Variants in TRNAU1AP observed in about 807,000 individuals in gnomAD.
The protein encoded by TRNAU1AP is tRNA selenocysteine 1 associated protein 1, also known as tRNA selenocysteine 1-associated protein 1.
In TRNAU1AP, 33 loss-of-function variants were observed where a neutral mutation model predicts 43.3. That is an observed-to-expected ratio of 0.76 (90% CI 0.58 to 1.02). TRNAU1AP has a LOEUF of 1.02. Among genes scored for constraint, TRNAU1AP ranks in the 50% least tolerant of loss-of-function variants. The pLI, the probability that TRNAU1AP is intolerant of heterozygous loss-of-function variation, is 0.00. For synonymous variants in TRNAU1AP, 143 were observed against 129.1 expected (o/e 1.11, Z -0.73); for missense variants, 290 against 362.7 (o/e 0.80, Z 1.63).
rs137910475 is a variant in TRNAU1AP at position 28,557,714 on chromosome 1, G to A, written c.126-2919G>A. Among the ~76,000 whole-genome samples the A allele has an allele frequency of 2.3e-4, 35 of 151,572 alleles. 1 individual carries two copies. Among genetic ancestry groups the A allele is most frequent in the Non-Finnish European group, 3.2e-4 (22 of 67,874 alleles). On this transcript the variant is annotated intron_variant, in intron 2 of 8. Transcript: ENST00000373830. ...AGCCATTCTCCTGCCTCAGCCTCCC[G>A]AGTAGCTAGGACTACTGGCACATAC...
intron 5 of TRNAU1AP, among the ~76,000 whole-genome samples, chr1:28,566,628 G>A (rs1665545706): frequency 6.6e-6 from 1 of 151,884 alleles, no homozygotes. Flanking sequence ...GCATGGTGGT[G>A]GGTGCCTGTA....
At chr1:28,572,760 C>T (rs572953997) in intron 8 of TRNAU1AP, among the ~76,000 whole-genome samples, 1 of 150,918 alleles carries the variant, frequency 6.6e-6, no homozygotes, top group Admixed American at 6.6e-5. Flanking sequence ...CGGTGAAACC[C>T]CGTCTCTACT....
chr1:28,575,163 T>G (rs1223909896), intron 8 of TRNAU1AP, among the ~76,000 whole-genome samples: 1 of 152,172 alleles, frequency 6.6e-6, no homozygotes, highest in Non-Finnish European at 1.5e-5. Flanking sequence ...ATCCTTTTTT[T>G]GTTTTCTTTT....
At chr1:28,553,551 C>T in intron 1 of TRNAU1AP, 89 bp from the exon 2 acceptor site, 10 of 1,268,464 alleles carry the variant, frequency 7.9e-6, no homozygotes, top group Non-Finnish European at 7.9e-6. Context: ...GGCGCGTAGC[C>T]AGCCCTGGGC....
intron 8 of TRNAU1AP, 121 bp downstream of exon 8, chr1:28,572,021 G>T: frequency 1.0e-5 from 9 of 881,574 alleles, no homozygotes; most frequent in Non-Finnish European, 1.1e-5. Flanking sequence ...TTACATTCTG[G>T]TTAGAGAGCC....
Position 28,553,095 on chromosome 1 carries a change from A to G in TRNAU1AP, c.-16A>G, listed in dbSNP as rs964806366. 14 of 1,523,814 alleles carry G rather than the reference A, an allele frequency of 9.2e-6. No homozygotes were observed. In the African/African-American group the frequency reaches 1.7e-4, roughly 19 times the overall value. The allele number at this position is 1,523,814 out of a possible 1,614,324, so 94.4% of individuals were successfully genotyped here. ...CGCAGAGCCCCGCCCGCAAAGCCCCACCCCGGTGCGCGGGTATGGCGGCCA... is the reference window on the plus strand; with the variant it reads ...CGCAGAGCCCCGCCCGCAAAGCCCCGCCCCGGTGCGCGGGTATGGCGGCCA... On this transcript the variant is annotated 5_prime_UTR_variant, in exon 1 of 9. Transcript: ENST00000373830.
Position 28,577,876 on chromosome 1 carries a change from A to G in TRNAU1AP, c.*240A>G. ...CTTCACAGGAATCCTTTGTCCAGGTAGTTATCCACATAGGACAGTTTGGGA... is the reference window on the plus strand; with the variant it reads ...CTTCACAGGAATCCTTTGTCCAGGTGGTTATCCACATAGGACAGTTTGGGA... On this transcript the variant is annotated 3_prime_UTR_variant, in exon 9 of 9. Transcript: ENST00000373830. 2.1e-6 allele frequency: 1 copy of G among 467,806 alleles called. No homozygotes were observed. The highest frequency in any genetic ancestry group is 4.3e-5 in the East Asian group (1 of 23,346). 29.0% of individuals were successfully genotyped at this position (467,806 alleles called of 1,614,324 possible). A position where few individuals can be genotyped will look rare whatever the true frequency, so the allele number is the denominator to read the frequency against.
At chr1:28,570,738 G>A (rs375441925) in intron 6 of TRNAU1AP, among the ~76,000 whole-genome samples, 1 of 152,046 alleles carries the variant, frequency 6.6e-6, no homozygotes, top group Non-Finnish European at 1.5e-5. Context: ...TTCCTTATCT[G>A]TAAAATAGGA....
intron 6 of TRNAU1AP, among the ~76,000 whole-genome samples, chr1:28,567,787 T>A (rs1665573562): frequency 6.6e-6 from 1 of 152,108 alleles, no homozygotes; most frequent in South Asian, 2.1e-4. Flanking sequence ...AAAAATTACT[T>A]CCATTTTTAG....
At chr1:28,577,439 G>A in intron 8 of TRNAU1AP, 61 bp from the exon 9 acceptor site, 3 of 1,583,686 alleles carry the variant, frequency 1.9e-6, no homozygotes, top group Admixed American at 1.8e-5. Flanking sequence ...GAAGGGAACT[G>A]AACCAGGTCC....
intron 8 of TRNAU1AP, among the ~76,000 whole-genome samples, chr1:28,575,943 C>T (rs1665769533): frequency 1.3e-5 from 2 of 150,460 alleles, no homozygotes; most frequent in African/African-American, 4.9e-5. Context: ...TCACTGCAAC[C>T]TCTGCCTCCC....
At chr1:28,562,871 G>T (rs1444270210) in intron 4 of TRNAU1AP, among the ~76,000 whole-genome samples, 1 of 149,676 alleles carries the variant, frequency 6.7e-6, no homozygotes, top group Non-Finnish European at 1.5e-5. Flanking sequence ...GTGAGCCATC[G>T]TGCCTGGACT....
chr1:28,576,617 G>A lies in TRNAU1AP; in HGVS notation c.728-883G>A, dbSNP rs570203913. On this transcript the variant is annotated intron_variant, in intron 8 of 8. Transcript: ENST00000373830. The stretch of plus-strand genomic sequence containing the variant: ...CAGGCGTGAGCCACCGCGCCCGGCC[G>A]AGACGGGGTTTTGCTCTTGTTGCCC... 7.7e-4 allele frequency among the ~76,000 whole-genome samples: 115 copies of A among 148,856 alleles called. 2 individuals carry two copies. In the South Asian group the frequency reaches 0.023, roughly 29 times the overall value.
chr1:28,554,071 A>G, intron 2 of TRNAU1AP: 1 of 195,596 alleles, frequency 5.1e-6, no homozygotes, highest in Non-Finnish European at 1.1e-5. Context: ...GGTGGCAGGC[A>G]CCTGTAACCC....
chr1:28,559,864 G>A (rs1665366433), intron 2 of TRNAU1AP, among the ~76,000 whole-genome samples: 1 of 152,138 alleles, frequency 6.6e-6, no homozygotes, highest in African/African-American at 2.4e-5. Flanking sequence ...AGGTGCCTTG[G>A]CTCATGCCTG....
intron 2 of TRNAU1AP, among the ~76,000 whole-genome samples, chr1:28,555,944 C>T (rs1054942322): frequency 6.6e-6 from 1 of 151,610 alleles, no homozygotes; most frequent in African/African-American, 2.4e-5. Context: ...AGCTCCACCT[C>T]CTGGGTTCAA....
At chr1:28,572,946 AAAAG>A (rs1234144340) in intron 8 of TRNAU1AP, among the ~76,000 whole-genome samples, 1 of 152,124 alleles carries the variant, frequency 6.6e-6, no homozygotes, top group Admixed American at 6.5e-5. Flanking sequence ...AAAAAAAAGA[AAAAG>A]AAAATATAGT....
At chr1:28,561,239 A>G in intron 3 of TRNAU1AP, 107 bp from the exon 4 acceptor site, 1 of 1,529,514 alleles carries the variant, frequency 6.5e-7, no homozygotes, top group African/African-American at 1.4e-5. Flanking sequence ...AGGCTTAGAG[A>G]GGGGGAGATG....
chr1:28,577,708 C>CT lies in TRNAU1AP; in HGVS notation c.*77dup, dbSNP rs745763768. 1.5e-5 allele frequency: 22 copies of CT among 1,467,806 alleles called. No individual in the cohort carries two copies. The highest frequency in any genetic ancestry group is 1.9e-5 in the Non-Finnish European group (21 of 1,084,264). The allele number at this position is 1,467,806 out of a possible 1,614,324, so 90.9% of individuals were successfully genotyped here. On this transcript the variant is annotated 3_prime_UTR_variant, in exon 9 of 9. Transcript: ENST00000373830. ...GACTCCTTTTTAAAAATTGTGAAAC[C>CT]TTTTTGGAAATATGATTTGTAAGAT... is the stretch of plus-strand genomic sequence containing the variant.
Sources: allele counts gnomAD v4.1 joint callset (sites outside exome capture counted in the v4.1 genomes callset), GRCh38; gene constraint gnomAD v4.1.1; transcripts MANE v1.5; gene names NCBI Gene and HGNC (gene_info 2026-07-23, HGNC 2026-07-21).